CPA6: variants seen among roughly 807,000 people sequenced by gnomAD.
The protein encoded by CPA6 is carboxypeptidase A6.
CPA6 carries 58 observed loss-of-function variants against 63.3 expected under a neutral mutation model. The observed-to-expected ratio is 0.92, with a 90% CI of 0.74 to 1.14. CPA6 has a LOEUF of 1.14. CPA6 is among the 50% of genes most tolerant of loss of function. CPA6 has a pLI of 0.00. For synonymous variants in CPA6, 185 were observed against 179.0 expected, an observed-to-expected ratio of 1.03 and a Z score of -0.27; for missense variants, 565 against 526.6, an observed-to-expected ratio of 1.07 and a Z score of -0.71.
intron 8 of CPA6, among the ~76,000 whole-genome samples, chr8:67,472,964 A>AT (rs552055334): frequency 1.3e-5 from 2 of 152,236 alleles, no homozygotes; most frequent in Non-Finnish European, 2.9e-5. Flanking sequence ...CAAAAAAGTC[A>AT]TTTTAAAAAG....
At chr8:67,606,441 G>C (rs1156554141) in intron 2 of CPA6, among the ~76,000 whole-genome samples, 1 of 152,070 alleles carries the variant, frequency 6.6e-6, no homozygotes, top group Non-Finnish European at 1.5e-5. Context: ...ACCACCCAAA[G>C]TCTCTTCAGA....
chr8:67,596,944 C>A (rs1273915074), intron 2 of CPA6, among the ~76,000 whole-genome samples: 1 of 152,108 alleles, frequency 6.6e-6, no homozygotes, highest in Non-Finnish European at 1.5e-5. Context: ...AGTGATATGT[C>A]CTTCTCAGTG....
chr8:67,592,215 C>T (rs931639471), intron 2 of CPA6, among the ~76,000 whole-genome samples: 2 of 152,182 alleles, frequency 1.3e-5, no homozygotes, highest in African/African-American at 4.8e-5. Flanking sequence ...ATTGAACCAG[C>T]CTTGCATCCC....
At chr8:67,668,387 A>T (rs1816275988) in intron 1 of CPA6, among the ~76,000 whole-genome samples, 1 of 152,230 alleles carries the variant, frequency 6.6e-6, no homozygotes, top group South Asian at 2.1e-4. Flanking sequence ...CGTTAGTTAC[A>T]CACACAGGCA....
At chr8:67,463,793 C>A (rs1273278849) in intron 8 of CPA6, among the ~76,000 whole-genome samples, 1 of 152,182 alleles carries the variant, frequency 6.6e-6, no homozygotes, top group Non-Finnish European at 1.5e-5. Flanking sequence ...TCTGTTCCTG[C>A]ATTAATTTGC....
intron 7 of CPA6, among the ~76,000 whole-genome samples, chr8:67,484,274 G>A (rs374590026): frequency 1.3e-5 from 2 of 150,974 alleles, no homozygotes; most frequent in South Asian, 2.1e-4. Flanking sequence ...GGGTTTCACG[G>A]TGTTAGCCAG....
chr8:67,452,175 A>C (rs762450229), intron 8 of CPA6: 2 of 152,224 alleles, frequency 1.3e-5, no homozygotes, highest in Non-Finnish European at 2.9e-5. Context: ...GGTTTTAAGG[A>C]ACATGCAGAG....
chr8:67,674,250 C>CT (rs1816419555), intron 1 of CPA6, among the ~76,000 whole-genome samples: 1 of 152,194 alleles, frequency 6.6e-6, no homozygotes, highest in Non-Finnish European at 1.5e-5. Flanking sequence ...ACTGCAGAGA[C>CT]TACCTGAGCA....
chr8:67,574,099 A>AG (rs1237923120), intron 2 of CPA6, among the ~76,000 whole-genome samples: 1 of 151,902 alleles, frequency 6.6e-6, no homozygotes, highest in African/African-American at 2.4e-5. Flanking sequence ...CAAATTTGGC[A>AG]GGGTGTGGTG....
At chr8:67,567,524 C>T (rs1813369315) in intron 2 of CPA6, among the ~76,000 whole-genome samples, 1 of 152,150 alleles carries the variant, frequency 6.6e-6, no homozygotes. Context: ...GTCTGGAGGT[C>T]AGCAAGGTGG....
intron 2 of CPA6, among the ~76,000 whole-genome samples, chr8:67,531,722 A>G (rs1364847375): frequency 6.6e-6 from 1 of 152,160 alleles, no homozygotes; most frequent in African/African-American, 2.4e-5. Flanking sequence ...GTAAATGATA[A>G]ATATTCAATT....
chr8:67,724,377 C>A (rs1000589526), intron 1 of CPA6, among the ~76,000 whole-genome samples: 2 of 152,214 alleles, frequency 1.3e-5, no homozygotes, highest in Admixed American at 6.5e-5. Context: ...GCCCCCACGT[C>A]TCCCCTTTCA....
intron 2 of CPA6, among the ~76,000 whole-genome samples, chr8:67,552,044 T>C (rs553936198): frequency 6.8e-4 from 104 of 152,336 alleles, no homozygotes; most frequent in African/African-American, 2.2e-3. Flanking sequence ...CTCAATACTT[T>C]ATGCACAATA....
At chr8:67,632,687 C>T (rs1270450630) in intron 1 of CPA6, among the ~76,000 whole-genome samples, 1 of 152,082 alleles carries the variant, frequency 6.6e-6, no homozygotes, top group Non-Finnish European at 1.5e-5. Flanking sequence ...TCGTTCTTTA[C>T]TAGAGAGCTA....
intron 1 of CPA6, among the ~76,000 whole-genome samples, chr8:67,708,989 T>C (rs1252558824): frequency 6.6e-6 from 1 of 152,118 alleles, no homozygotes; most frequent in Non-Finnish European, 1.5e-5. Context: ...AGAAAACACC[T>C]GAATCTAGTG....
chr8:67,603,422 T>C (rs1271530250), intron 2 of CPA6, among the ~76,000 whole-genome samples: 1 of 152,222 alleles, frequency 6.6e-6, no homozygotes, highest in Non-Finnish European at 1.5e-5. Flanking sequence ...ATCTGTACTT[T>C]ATTATATTTC....
chr8:67,522,824 G>A (rs1477953946), intron 2 of CPA6, among the ~76,000 whole-genome samples: 1 of 152,234 alleles, frequency 6.6e-6, no homozygotes, highest in Non-Finnish European at 1.5e-5. Context: ...GATGCAGTGG[G>A]CAGGCGTGGG....
At chr8:67,436,318 G>A (rs926841046) in intron 8 of CPA6, among the ~76,000 whole-genome samples, 3 of 151,850 alleles carry the variant, frequency 2.0e-5, no homozygotes, top group South Asian at 2.1e-4. Context: ...CCCAGGCTCC[G>A]GCCTTGTCAG....
intron 8 of CPA6, among the ~76,000 whole-genome samples, chr8:67,473,229 GAA>G (rs1811103569): frequency 6.6e-6 from 1 of 152,158 alleles, no homozygotes; most frequent in Non-Finnish European, 1.5e-5. Flanking sequence ...TTCTACCCTA[GAA>G]AGAATGAAGT....
Sources: gnomAD v4.1 joint callset for allele counts (sites outside exome capture counted in the v4.1 genomes callset) on GRCh38, gnomAD v4.1.1 for gene constraint, MANE v1.5 for transcripts, NCBI Gene and HGNC (gene_info 2026-07-23, HGNC 2026-07-21) for gene names.